Variants in SEZ6 observed in about 807,000 individuals in gnomAD.
SEZ6 encodes seizure protein 6 homolog.
A neutral mutation model predicts 101.0 loss-of-function variants in SEZ6; 53 were observed. The observed-to-expected ratio is 0.52, with a 90% CI of 0.42 to 0.66. The LOEUF is 0.66. Among genes scored for constraint, SEZ6 ranks in the 30% least tolerant of loss-of-function variants. The pLI is 0.00. For synonymous variants in SEZ6, 488 were observed against 512.2 expected, an observed-to-expected ratio of 0.95 and a Z score of 0.64; for missense variants, 1,102 against 1,289.4, an observed-to-expected ratio of 0.85 and a Z score of 2.23.
In SEZ6 at chr17:28,960,911, C is replaced by T; in HGVS notation, c.1303G>A (p.Gly435Ser). 1 of 1,613,934 alleles carries T rather than the reference C, an allele frequency of 6.2e-7. No homozygotes were observed. The highest frequency in any genetic ancestry group is 1.1e-5 in the South Asian group (1 of 91,082). ...TGRIVSPGFPGNYSNNLTCHW... is the reference protein window; with the variant it reads ...TGRIVSPGFPSNYSNNLTCHW... Reference sequence around the variant, plus strand: ...CAGGTGAGGTTGTTGCTGTAGTTGCCCGGGAAGCCTGGAGAGACGATGCGG... The same window carrying T: ...CAGGTGAGGTTGTTGCTGTAGTTGCTCGGGAAGCCTGGAGAGACGATGCGG... The change falls in exon 6 of 17, where the codon GGC becomes AGC. Residue 435 changes from glycine to serine, a missense_variant. Physicochemically the swap from Gly to Ser is moderately conservative, Grantham distance 56. Coordinates refer to ENST00000317338, the MANE Select transcript of SEZ6 (RefSeq NM_178860.5).
intron 4 of SEZ6, among the ~76,000 whole-genome samples, chr17:28,966,201 C>T (rs957313366): frequency 1.3e-4 from 19 of 150,812 alleles, no homozygotes; most frequent in Non-Finnish European, 1.9e-4. Flanking sequence ...GAAGATCCAG[C>T]TGGGCACGGT....
In SEZ6 at chr17:28,956,711, A is replaced by G; in HGVS notation, c.2731+8T>C. 1.3e-6 allele frequency: 2 copies of G among 1,559,802 alleles called. No homozygotes were observed. The highest frequency in any genetic ancestry group is 1.7e-6 in the Non-Finnish European group (2 of 1,151,614). ...ACCACTTCTCTGGCCTCAAGGGTGG[A>G]GACTTACCATCCAGGCTGCGACTGT... On this transcript the variant is annotated splice_region_variant and intron_variant, in intron 14 of 16. Coordinates refer to ENST00000317338, the MANE Select transcript of SEZ6 (RefSeq NM_178860.5).
chr17:28,961,208 G>C (rs551637364), intron 5 of SEZ6, among the ~76,000 whole-genome samples: 3 of 152,226 alleles, frequency 2.0e-5, no homozygotes, highest in Admixed American at 2.0e-4. Flanking sequence ...CCCTGGGACT[G>C]ACCAGGGTAA....
At chr17:28,985,456 T>C (rs1026185439) in intron 1 of SEZ6, among the ~76,000 whole-genome samples, 1 of 152,100 alleles carries the variant, frequency 6.6e-6, no homozygotes, top group African/African-American at 2.4e-5. Context: ...CAGACCTGGG[T>C]TCAAGTGTCA....
intron 3 of SEZ6, among the ~76,000 whole-genome samples, chr17:28,976,985 T>C (rs1325719030): frequency 6.6e-6 from 1 of 152,238 alleles, no homozygotes; most frequent in Non-Finnish European, 1.5e-5. Context: ...GATTTCTGTC[T>C]TCCCTACTAA....
At chr17:28,982,559 C>A (rs2041324163) in intron 1 of SEZ6, among the ~76,000 whole-genome samples, 1 of 152,228 alleles carries the variant, frequency 6.6e-6, no homozygotes, top group South Asian at 2.1e-4. Context: ...AAGTTCATTT[C>A]CTGTTCTCAG....
Position 29,005,947 on chromosome 17 carries a change from CAG to C in SEZ6, c.-80_-79del. On this transcript the variant is annotated 5_prime_UTR_variant, in exon 1 of 17. Transcript: ENST00000317338. This position sits in a 1 kb window ranked among gnomAD's most constrained non-coding sequence, Gnocchi z 4.8. ...GCTTGGTGGGGCTTGGGCGCGGGGG[CAG>C]AGCCGGGTCCGGCCGGGTAGAGGGA... 7.9e-7 allele frequency: 1 copy of C among 1,259,270 alleles called. No homozygotes were observed. The highest frequency in any genetic ancestry group is 1.0e-6 in the Non-Finnish European group (1 of 982,464). 78.0% of individuals were successfully genotyped at this position (1,259,270 alleles called of 1,614,324 possible).
At chr17:28,960,021 T>C in intron 7 of SEZ6, 129 bp from the exon 8 acceptor site, 1 of 1,044,052 alleles carries the variant, frequency 9.6e-7, no homozygotes, top group Non-Finnish European at 1.4e-6. Flanking sequence ...TGTCCTGGGG[T>C]TGGAGCAGGA....
rs1401109410 is a variant in SEZ6 at position 28,956,194 on chromosome 17, C to G, written c.2917G>C (p.Glu973Gln). The change falls in exon 16 of 17, where the codon GAG becomes CAG. Residue 973 changes from glutamate to glutamine, a missense_variant. Physicochemically the swap from Glu to Gln is conservative, Grantham distance 29. Transcript: ENST00000317338. ...TAAGTTGGATTGTCAAACGCTGACT[C>G]TATGGTAATGCGGTTGTAGGGGCGG... ...RPRPYNRITIESAFDNPTYET... is the reference protein window; with the variant it reads ...RPRPYNRITIQSAFDNPTYET... The G allele has an allele frequency of 1.3e-6, 2 of 1,564,232 alleles. No homozygotes were observed. The highest frequency in any genetic ancestry group is 1.1e-5 in the South Asian group (1 of 89,202).
Position 29,006,010 on chromosome 17 carries a change from A to G in SEZ6, c.-141T>C. 1 of 634,840 alleles carries G rather than the reference A, an allele frequency of 1.6e-6. No individual in the cohort carries two copies. 39.3% of individuals were successfully genotyped at this position (634,840 alleles called of 1,614,324 possible). ...AGCCGTCACCGCCGCTGCCGCCGCC[A>G]GCGCCTGACAGAATCAGCACCACGG... On this transcript the variant is annotated 5_prime_UTR_variant, in exon 1 of 17. Coordinates refer to ENST00000317338, the MANE Select transcript of SEZ6 (RefSeq NM_178860.5).
rs2041673305 is a variant in SEZ6, at chr17:29,005,341, A to G, written c.55+474T>C. 6.6e-6 allele frequency among the ~76,000 whole-genome samples: 1 copy of G among 152,014 alleles called. No homozygotes were observed. The highest frequency in any genetic ancestry group is 2.4e-5 in the African/African-American group (1 of 41,406). On this transcript the variant is annotated intron_variant, in intron 1 of 16. Transcript: ENST00000317338. The surrounding 1 kb of genome is among the most constrained non-coding windows in gnomAD (Gnocchi z 4.8). The stretch of plus-strand genomic sequence containing the variant: ...CCATCCGGCCCCGTCTCCCCTCAGT[A>G]AGAACACTAGAGGCCCTGGAACCGG...
rs2152683803 is a variant in SEZ6 at position 28,959,956 on chromosome 17, C to T, written c.1577-64G>A. Reference sequence around the variant, plus strand: ...GGTATTAAACACAGTGGGCAAGCATCCCCCTACTTCCCTCCCCAGAGCCTT... The same window carrying T: ...GGTATTAAACACAGTGGGCAAGCATTCCCCTACTTCCCTCCCCAGAGCCTT... On this transcript the variant is annotated intron_variant, in intron 7 of 16. Transcript: ENST00000317338. This position sits in a 1 kb window ranked among gnomAD's most constrained non-coding sequence, Gnocchi z 4.4. 3.3e-6 allele frequency: 5 copies of T among 1,495,532 alleles called. No homozygotes were observed. In the South Asian group the frequency reaches 4.9e-5, roughly 15 times the overall value. 92.6% of individuals were successfully genotyped at this position (1,495,532 alleles called of 1,614,324 possible). A position where few individuals can be genotyped will look rare whatever the true frequency, so the allele number is the denominator to read the frequency against.
rs750276622 is a variant in SEZ6, at chr17:28,959,119, G to A, written c.2013C>T (p.Leu671=). The A allele has an allele frequency of 1.2e-6, 2 of 1,614,024 alleles. No homozygotes were observed. The highest frequency in any genetic ancestry group is 3.3e-5 in the Admixed American group (2 of 60,024). The change falls in exon 10 of 17, where the codon CTC becomes CTT. Residue 671 remains leucine, a synonymous_variant. Transcript: ENST00000317338. This position sits in a 1 kb window ranked among gnomAD's most constrained non-coding sequence, Gnocchi z 4.4. ...TGGTGACATCAGCCATGGAGGTAAA[G>A]AGCTTGAAGTGGCTACGGGGCCCTG... ...QYSGPRSHFK[L]FTSMADVTIQ...
intron 1 of SEZ6, among the ~76,000 whole-genome samples, chr17:29,003,381 C>T (rs1013038158): frequency 2.0e-5 from 3 of 152,190 alleles, no homozygotes; most frequent in African/African-American, 7.2e-5. Flanking sequence ...TGGGCCAAGC[C>T]CAGCACGATT....
Position 28,957,114 on chromosome 17 carries a change from G to C in SEZ6, c.2623C>G (p.Gln875Glu). The C allele has an allele frequency of 6.2e-7, 1 of 1,613,736 alleles. No individual in the cohort carries two copies. Among genetic ancestry groups the C allele is most frequent in the Non-Finnish European group, 8.5e-7 (1 of 1,179,714 alleles). Residue 875 changes from glutamine (Q) to glutamate (E), a missense_variant, in exon 13 of 17, where the codon CAG becomes GAG. Physicochemically the swap from Gln to Glu is conservative, Grantham distance 29. Transcript: ENST00000317338. ...CCAGGCACACACTTGATGCTGGCCT[G>C]GCCCTTCAGCACATAGCCAGGGGCA... ...SCAPGYVLKG[Q>E]ASIKCVPGHP...
intron 1 of SEZ6, among the ~76,000 whole-genome samples, chr17:28,985,634 C>T (rs1211505668): frequency 2.0e-5 from 3 of 152,174 alleles, no homozygotes; most frequent in African/African-American, 7.2e-5. Flanking sequence ...TTAGGCAGCC[C>T]CTGTCAGGGG....
chr17:28,978,921 T>A (rs1359877314), intron 3 of SEZ6, among the ~76,000 whole-genome samples: 1 of 151,572 alleles, frequency 6.6e-6, no homozygotes, highest in Non-Finnish European at 1.5e-5. Context: ...AATTTGGGGA[T>A]GAATTGATGG....
intron 4 of SEZ6, among the ~76,000 whole-genome samples, chr17:28,967,881 G>A (rs2041094526): frequency 6.6e-6 from 1 of 152,126 alleles, no homozygotes; most frequent in East Asian, 1.9e-4. Context: ...CCGTTCCCGG[G>A]GAGCCTGAAC....
At position 28,957,461 on chromosome 17, in the gene SEZ6, G is replaced by C; in HGVS notation, c.2381C>G (p.Thr794Ser). 6.2e-7 allele frequency: 1 copy of C among 1,613,756 alleles called. No individual in the cohort carries two copies. The highest frequency in any genetic ancestry group is 1.1e-5 in the South Asian group (1 of 91,066). Reference protein sequence around the residue: ...ISSPKFPVGATVQYICDQGFV... With the variant: ...ISSPKFPVGASVQYICDQGFV... ...ACCCTGGTCACAGATATATTGCACG[G>C]TGGCCCCCACGGGAAACTTGGGGCT... Residue 794 changes from threonine to serine, a missense_variant, in exon 12 of 17, where the codon ACC becomes AGC. Coordinates refer to ENST00000317338, the MANE Select transcript of SEZ6 (RefSeq NM_178860.5).
Sources: allele counts gnomAD v4.1 joint callset (sites outside exome capture counted in the v4.1 genomes callset), GRCh38; gene constraint gnomAD v4.1.1; non-coding constraint Gnocchi (gnomAD v3.1); transcripts MANE v1.5; gene names NCBI Gene and HGNC (gene_info 2026-07-23, HGNC 2026-07-21).